Variants in CCDC192 observed in about 807,000 individuals in gnomAD.
CCDC192 encodes coiled-coil domain containing 192, also known as coiled-coil domain-containing protein 192.
intron 5 of CCDC192, among the ~76,000 whole-genome samples, chr5:127,849,835 G>A (rs947078646): frequency 1.3e-5 from 2 of 152,168 alleles, no homozygotes; most frequent in African/African-American, 4.8e-5. Context: ...TTTTTGTGAA[G>A]AAGAATCTCT....
At chr5:127,768,473 G>T (rs1755358274) in intron 3 of CCDC192, among the ~76,000 whole-genome samples, 1 of 152,178 alleles carries the variant, frequency 6.6e-6, no homozygotes, top group African/African-American at 2.4e-5. Context: ...GGCTGGAATA[G>T]ATTCTCCCTC....
chr5:127,871,522 T>C (rs536931682), intron 5 of CCDC192, among the ~76,000 whole-genome samples: 83 of 152,308 alleles, frequency 5.4e-4, no homozygotes, highest in Non-Finnish European at 8.8e-4. Flanking sequence ...ACATAACTAC[T>C]ACACGGCATA....
At chr5:127,753,940 T>G (rs1754408297) in intron 2 of CCDC192, among the ~76,000 whole-genome samples, 1 of 152,212 alleles carries the variant, frequency 6.6e-6, no homozygotes, top group Non-Finnish European at 1.5e-5. Flanking sequence ...CCATCAGGAA[T>G]GTGAAATTTT....
At chr5:127,844,784 A>G (rs1242265664) in intron 5 of CCDC192, among the ~76,000 whole-genome samples, 1 of 152,160 alleles carries the variant, frequency 6.6e-6, no homozygotes, top group Non-Finnish European at 1.5e-5. Flanking sequence ...GTTGTTTCGT[A>G]CCATGTGGTG....
At chr5:127,863,153 A>G (rs1276472455) in intron 5 of CCDC192, among the ~76,000 whole-genome samples, 1 of 152,216 alleles carries the variant, frequency 6.6e-6, no homozygotes, top group Non-Finnish European at 1.5e-5. Context: ...AAAGGTAAAA[A>G]GTTTCAGTTA....
chr5:127,754,148 G>C, intron 2 of CCDC192, 120 bp from the exon 3 acceptor site: 1 of 391,650 alleles, frequency 2.6e-6, no homozygotes, highest in Non-Finnish European at 4.5e-6. Flanking sequence ...GGATTTGTGT[G>C]AGTTTATCAA....
At chr5:127,801,418 T>C (rs952708964) in intron 5 of CCDC192, among the ~76,000 whole-genome samples, 11 of 152,088 alleles carry the variant, frequency 7.2e-5, no homozygotes, top group African/African-American at 2.4e-4. Flanking sequence ...TTTCCGTGCC[T>C]CCATCCTGAG....
intron 1 of CCDC192, among the ~76,000 whole-genome samples, chr5:127,704,282 G>A (rs199911664): frequency 8.7e-5 from 2 of 23,084 alleles, no homozygotes; most frequent in African/African-American, 3.7e-4. Context: ...TCTGCCTCCC[G>A]GGTTCAAGTG....
chr5:127,735,599 TTCCTTGAGCAGTGGTTTGTAGTTC>T (rs1752934390), intron 2 of CCDC192, among the ~76,000 whole-genome samples: 1 of 112,142 alleles, frequency 8.9e-6, no homozygotes, highest in Non-Finnish European at 1.7e-5. Context: ...CCTCTTTTAT[TTCCTTGAGCAGTGGTTTGTAGTTC>T]TCCTTGAAGA....
At chr5:127,772,116 A>G (rs1755590580) in intron 3 of CCDC192, among the ~76,000 whole-genome samples, 1 of 152,052 alleles carries the variant, frequency 6.6e-6, no homozygotes, top group African/African-American at 2.4e-5. Context: ...TTATATAACA[A>G]TATGTCTATA....
chr5:127,719,139 C>A (rs1022503616), intron 2 of CCDC192, among the ~76,000 whole-genome samples: 1 of 152,098 alleles, frequency 6.6e-6, no homozygotes, highest in Non-Finnish European at 1.5e-5. Context: ...AAATAAGTGA[C>A]AGCATGCAAA....
chr5:127,753,968 G>T (rs1050077574), intron 2 of CCDC192, among the ~76,000 whole-genome samples: 3 of 152,176 alleles, frequency 2.0e-5, no homozygotes, highest in African/African-American at 7.2e-5. Flanking sequence ...ACCTTTTGGA[G>T]TAAGAATAAA....
chr5:127,824,102 G>A (rs1749417237), intron 5 of CCDC192, among the ~76,000 whole-genome samples: 1 of 152,088 alleles, frequency 6.6e-6, no homozygotes, highest in Non-Finnish European at 1.5e-5. Flanking sequence ...TTGCCCTTAG[G>A]GAAATATTAG....
chr5:127,909,340 T>C (rs945904999), intron 6 of CCDC192, among the ~76,000 whole-genome samples: 1 of 152,084 alleles, frequency 6.6e-6, no homozygotes, highest in Non-Finnish European at 1.5e-5. Flanking sequence ...TTACCCTAAA[T>C]GGGCAAGTTT....
chr5:127,744,040 G>A (rs1457023872), intron 2 of CCDC192, among the ~76,000 whole-genome samples: 2 of 148,650 alleles, frequency 1.3e-5, no homozygotes, highest in Admixed American at 6.8e-5. Flanking sequence ...CTTGCAGTGA[G>A]CCGAGGTTGC....
intron 2 of CCDC192, among the ~76,000 whole-genome samples, chr5:127,721,066 C>T (rs1025192720): frequency 6.6e-6 from 1 of 152,234 alleles, no homozygotes; most frequent in Non-Finnish European, 1.5e-5. Flanking sequence ...TTTGGCTCCT[C>T]TTTACATATG....
intron 6 of CCDC192, among the ~76,000 whole-genome samples, chr5:127,887,205 T>A (rs1472472175): frequency 1.3e-5 from 2 of 151,534 alleles, no homozygotes; most frequent in Admixed American, 1.3e-4. Context: ...GGTGCATGCA[T>A]GTAATCCCAG....
intron 2 of CCDC192, among the ~76,000 whole-genome samples, chr5:127,714,954 T>C (rs1324173325): frequency 7.6e-6 from 1 of 131,030 alleles, no homozygotes; most frequent in East Asian, 2.3e-4. Flanking sequence ...TTTTGCCCAT[T>C]TATAATGAAA....
Position 127,939,113 on chromosome 5 carries a change from T to TA in CCDC192, c.536-2069_536-2068insA, listed in dbSNP as rs1430151189. On this transcript the variant is annotated intron_variant, in intron 6 of 6. Coordinates refer to ENST00000514853, the MANE Select transcript of CCDC192 (RefSeq NM_001317938.2). ...TGAAAGGCACTCAAACCAACATCTT[T>TA]TTTTTTTTTTTTTTTTTTTTTTGAG... 1.8e-4 allele frequency among the ~76,000 whole-genome samples: 23 copies of TA among 127,232 alleles called. 1 individual carries two copies. The highest frequency in any genetic ancestry group is 1.0e-3 in the Admixed American group (14 of 13,366). 83.5% of individuals were successfully genotyped at this position (127,232 alleles called of 152,430 possible). A position where few individuals can be genotyped will look rare whatever the true frequency, so the allele number is the denominator to read the frequency against.
Sources: allele counts gnomAD v4.1 joint callset (sites outside exome capture counted in the v4.1 genomes callset), GRCh38; gene constraint gnomAD v4.1.1; transcripts MANE v1.5; gene names NCBI Gene and HGNC (gene_info 2026-07-23, HGNC 2026-07-21).